Variants in KLRK1 observed in about 807,000 individuals in gnomAD.
KLRK1 encodes NKG2-D type II integral membrane protein.
A neutral mutation model predicts 31.3 loss-of-function variants in KLRK1; 40 were observed. The observed-to-expected ratio is 1.28, with a 90% CI of 0.99 to 1.67. KLRK1 has a LOEUF of 1.67. KLRK1 is among the 40% of genes most tolerant of loss of function. The probability of loss-of-function intolerance (pLI) is 0.00; values close to 1 mark genes in which losing one functional copy is unlikely to be tolerated. For synonymous variants in KLRK1, 77 were observed against 77.3 expected (o/e 1.00, Z 0.02); for missense variants, 251 against 260.0 (o/e 0.97, Z 0.24).
In KLRK1 at chr12:10,378,538, A is replaced by G; in HGVS notation, c.429+16T>C. ...AGGATTAAATACAGGATGGGAAATT[A>G]AAATAAATACTCAACCTGGTCCTCT... On this transcript the variant is annotated intron_variant, in intron 6 of 7. Coordinates refer to ENST00000240618, the MANE Select transcript of KLRK1 (RefSeq NM_007360.4). 3 of 1,608,040 alleles carry G rather than the reference A, an allele frequency of 1.9e-6. No homozygotes were observed. The highest frequency in any genetic ancestry group is 1.7e-6 in the Non-Finnish European group (2 of 1,178,848).
rs544292638 is a variant in KLRK1, at chr12:10,373,119, C to T, written c.646G>A (p.Val216Met). ...ATTGAGATGGTTGATCATCTTTACA[C>T]AGTCCTTTGCATGCAGATGTACGTA... ...PNTYICMQRTV is the reference protein window; with the variant it reads ...PNTYICMQRTM The change falls in exon 8 of 8, where the codon GTG (valine) becomes ATG (methionine). Residue 216 changes from valine to methionine, a missense_variant. By Grantham distance (21) the Val-to-Met change is conservative. Coordinates refer to ENST00000240618, the MANE Select transcript of KLRK1 (RefSeq NM_007360.4). The T allele has an allele frequency of 3.1e-6, 5 of 1,612,090 alleles. No individual in the cohort carries two copies. Among genetic ancestry groups the T allele is most frequent in the Admixed American group, 1.7e-5 (1 of 59,618 alleles).
In KLRK1 at chr12:10,387,029, G is replaced by T; in HGVS notation, c.41-19C>A. On this transcript the variant is annotated intron_variant, in intron 2 of 7. Coordinates refer to ENST00000240618, the MANE Select transcript of KLRK1 (RefSeq NM_007360.4). ...CTCATCTCTAGAGAAAAAGAATTCAGGCTTATATGAGTCATGGCCTTTCTG... is the reference window on the plus strand; with the variant it reads ...CTCATCTCTAGAGAAAAAGAATTCATGCTTATATGAGTCATGGCCTTTCTG... The T allele has an allele frequency of 6.3e-7, 1 of 1,591,624 alleles. No individual in the cohort carries two copies.
intron 6 of KLRK1, 82 bp downstream of exon 6, chr12:10,378,472 T>C: frequency 6.4e-7 from 1 of 1,573,646 alleles, no homozygotes; most frequent in Non-Finnish European, 8.6e-7. Flanking sequence ...GTGTCCCTTA[T>C]ATGTTCTAGG....
Position 10,378,569 on chromosome 12 carries a change from G to A in KLRK1, c.414C>T (p.Tyr138=). 6.2e-7 allele frequency: 1 copy of A among 1,612,448 alleles called. No individual in the cohort carries two copies. Among genetic ancestry groups the A allele is most frequent in the Non-Finnish European group, 8.5e-7 (1 of 1,179,696 alleles). ...MSQNASLLKV[Y]SKEDQDLLKL... ...AATACTCAACCTGGTCCTCTTTGCT[G>A]TATACTTTCAGAAGGCTGGCATTTT... The change falls in exon 6 of 8, where the codon TAC becomes TAT. Residue 138 remains tyrosine (Y), a synonymous_variant. Coordinates refer to ENST00000240618, the MANE Select transcript of KLRK1 (RefSeq NM_007360.4).
At chr12:10,385,392 A>ACT (rs989860382) in intron 3 of KLRK1, among the ~76,000 whole-genome samples, 1 of 151,088 alleles carries the variant, frequency 6.6e-6, no homozygotes, top group African/African-American at 2.4e-5. Context: ...ACACACACAC[A>ACT]CACAGAGGAA....
chr12:10,383,883 C>T lies in KLRK1; in HGVS notation c.148+3020G>A, dbSNP rs1863120397. On this transcript the variant is annotated intron_variant, in intron 3 of 7. Transcript: ENST00000240618. Reference sequence around the variant, plus strand: ...GATACATGAAAATTAAACAACATGCCTTTGAACAAATAAACAAATTCAGTA... The same window carrying T: ...GATACATGAAAATTAAACAACATGCTTTTGAACAAATAAACAAATTCAGTA... Among the ~76,000 whole-genome samples, 3 of 151,906 alleles carry T rather than the reference C, an allele frequency of 2.0e-5. No homozygotes were observed. The South Asian group carries it at 6.2e-4, about 31-fold the overall frequency.
At chr12:10,383,334 A>G (rs1863111654) in intron 3 of KLRK1, among the ~76,000 whole-genome samples, 1 of 152,118 alleles carries the variant, frequency 6.6e-6, no homozygotes, top group Non-Finnish European at 1.5e-5. Context: ...AATGAAAACC[A>G]GTAAAGAGCA....
intron 3 of KLRK1, among the ~76,000 whole-genome samples, chr12:10,385,635 G>C (rs898365997): frequency 6.6e-6 from 1 of 151,922 alleles, no homozygotes; most frequent in Non-Finnish European, 1.5e-5. Context: ...GATTGGGAGA[G>C]GTTGGTTAAT....
At chr12:10,384,912 C>T (rs556611203) in intron 3 of KLRK1, among the ~76,000 whole-genome samples, 1 of 151,996 alleles carries the variant, frequency 6.6e-6, no homozygotes, top group South Asian at 2.1e-4. Context: ...ACAACAAAAA[C>T]TGATTTGAAA....
chr12:10,388,643 C>A (rs995814461), intron 2 of KLRK1, 128 bp downstream of exon 2: 2 of 1,089,548 alleles, frequency 1.8e-6, no homozygotes, highest in Non-Finnish European at 2.6e-6. Flanking sequence ...AACATGAAAT[C>A]AACATAAATA....
At chr12:10,376,460 C>T (rs1316336228) in intron 7 of KLRK1, among the ~76,000 whole-genome samples, 1 of 151,840 alleles carries the variant, frequency 6.6e-6, no homozygotes, top group East Asian at 1.9e-4. Flanking sequence ...ATGCAAAAGA[C>T]AATTTAGAAA....
At chr12:10,385,367 G>GACAC (rs3055416) in intron 3 of KLRK1, among the ~76,000 whole-genome samples, 30,224 of 145,640 alleles carry the variant, frequency 0.21, 3,138 homozygotes, top group Middle Eastern at 0.26. Context: ...AGCACACACA[G>GACAC]ACACACACAC....
Position 10,373,112 on chromosome 12 carries a change from C to T in KLRK1, c.*2G>A, listed in dbSNP as rs1862893484. 6.2e-7 allele frequency: 1 copy of T among 1,611,510 alleles called. No individual in the cohort carries two copies. Among genetic ancestry groups the T allele is most frequent in the African/African-American group, 1.3e-5 (1 of 74,904 alleles). On this transcript the variant is annotated 3_prime_UTR_variant, in exon 8 of 8. Transcript: ENST00000240618. ...GGCTTTTATTGAGATGGTTGATCATCTTTACACAGTCCTTTGCATGCAGAT... is the reference window on the plus strand; with the variant it reads ...GGCTTTTATTGAGATGGTTGATCATTTTTACACAGTCCTTTGCATGCAGAT...
intron 3 of KLRK1, among the ~76,000 whole-genome samples, chr12:10,385,371 C>CACACACACAG (rs1555120374): frequency 8.0e-6 from 1 of 125,778 alleles, no homozygotes; most frequent in East Asian, 2.6e-4. Context: ...CACACAGACA[C>CACACACACAG]ACACACACAC....
chr12:10,373,232 C>T lies in KLRK1; in HGVS notation c.534-1G>A, dbSNP rs760159948. 8 of 1,574,262 alleles carry T rather than the reference C, an allele frequency of 5.1e-6. No homozygotes were observed. The highest frequency in any genetic ancestry group is 1.4e-5 in the African/African-American group (1 of 72,412). On this transcript the variant is annotated splice_acceptor_variant, in intron 7 of 7. Transcript: ENST00000240618. LOFTEE classifies it high-confidence loss of function. ...CTTCTGCATTTCAATTATTGTTAGT[C>T]TAGAGGAGAGACAATTACAAATTAC...
intron 2 of KLRK1, 24 bp from the exon 3 acceptor site, chr12:10,387,034 A>AT: frequency 6.3e-7 from 1 of 1,584,080 alleles, no homozygotes; most frequent in Non-Finnish European, 8.6e-7. Flanking sequence ...ATTCAGGCTT[A>AT]TATGAGTCAT....
chr12:10,378,964 G>A, intron 5 of KLRK1: 1 of 290,178 alleles, frequency 3.4e-6, no homozygotes, highest in Non-Finnish European at 6.2e-6. Context: ...TACCAGCCTG[G>A]CCAACATGGT....
At chr12:10,386,405 A>G (rs1863168310) in intron 3 of KLRK1, among the ~76,000 whole-genome samples, 1 of 152,092 alleles carries the variant, frequency 6.6e-6, no homozygotes, top group African/African-American at 2.4e-5. Context: ...ATAAAAATTG[A>G]TAAGTGAGGG....
chr12:10,378,324 A>C (rs896295650), intron 6 of KLRK1, 89 bp from the exon 7 acceptor site: 14 of 1,432,560 alleles, frequency 9.8e-6, no homozygotes, highest in Admixed American at 2.0e-5. Flanking sequence ...CTGTTCTCAC[A>C]CTTGTAAAAA....
Sources: allele counts gnomAD v4.1 joint callset (sites outside exome capture counted in the v4.1 genomes callset), GRCh38; gene constraint gnomAD v4.1.1; transcripts MANE v1.5; gene names NCBI Gene and HGNC (gene_info 2026-07-23, HGNC 2026-07-21).